SEMA6A: variants seen among roughly 807,000 people sequenced by gnomAD.
SEMA6A encodes semaphorin-6A.
A neutral mutation model predicts 96.8 loss-of-function variants in SEMA6A; 25 were observed. That is an observed-to-expected ratio of 0.26 (90% confidence interval 0.19 to 0.36). SEMA6A has a LOEUF of 0.36. Ranked by LOEUF, SEMA6A falls within the 10% of genes least tolerant of loss-of-function variation. The pLI is 1.00. For synonymous variants in SEMA6A, 612 were observed against 518.0 expected (o/e 1.18, Z -2.46); for missense variants, 1,363 against 1,323.1 (o/e 1.03, Z -0.47).
chr5:116,520,101 C>T (rs1758864169), intron 1 of SEMA6A, among the ~76,000 whole-genome samples: 1 of 152,124 alleles, frequency 6.6e-6, no homozygotes, highest in African/African-American at 2.4e-5. Context: ...CCACTCTGTT[C>T]CAGCCCCTGT....
chr5:116,497,290 T>TC (rs1757648512), intron 4 of SEMA6A, 37 bp downstream of exon 4: 2 of 1,266,700 alleles, frequency 1.6e-6, no homozygotes. Context: ...TATCCAAAGG[T>TC]CCTTCATTTT....
At chr5:116,508,208 G>GA (rs1183485353) in intron 1 of SEMA6A, 2 of 152,148 alleles carry the variant, frequency 1.3e-5, no homozygotes, top group Non-Finnish European at 2.9e-5. Flanking sequence ...AGGACTGTCT[G>GA]AAAACCGTGT....
At chr5:116,547,718 C>CT (rs1306823366) in intron 1 of SEMA6A, among the ~76,000 whole-genome samples, 1 of 116,576 alleles carries the variant, frequency 8.6e-6, no homozygotes, top group Non-Finnish European at 1.6e-5. Flanking sequence ...ATGTAAACTG[C>CT]TATGTATCTG....
At chr5:116,496,183 A>G (rs1219641376) in intron 5 of SEMA6A, 68 bp downstream of exon 5, 33 of 1,289,548 alleles carry the variant, frequency 2.6e-5, no homozygotes, top group Admixed American at 6.8e-5. Flanking sequence ...ATCACGGTCT[A>G]TGGCTGGAGA....
At chr5:116,568,324 G>C (rs1761088414) in intron 1 of SEMA6A, among the ~76,000 whole-genome samples, 1 of 152,134 alleles carries the variant, frequency 6.6e-6, no homozygotes, top group African/African-American at 2.4e-5. Context: ...AAATAATGCA[G>C]CCACAGAGAA....
chr5:116,451,437 C>T (rs749169114), intron 18 of SEMA6A, among the ~76,000 whole-genome samples: 2 of 151,996 alleles, frequency 1.3e-5, no homozygotes, highest in Admixed American at 6.5e-5. Flanking sequence ...TATGAGATTT[C>T]GAAGCAATAT....
chr5:116,466,547 T>A (rs1755769689), intron 18 of SEMA6A, among the ~76,000 whole-genome samples: 1 of 151,932 alleles, frequency 6.6e-6, no homozygotes, highest in African/African-American at 2.4e-5. Flanking sequence ...TCTCAGGAGA[T>A]GAGAAGCAAA....
chr5:116,484,058 T>C (rs58414253), intron 10 of SEMA6A, among the ~76,000 whole-genome samples: 16,901 of 126,994 alleles, frequency 0.13, 2,383 homozygotes, highest in African/African-American at 0.38. Context: ...AGTGAGACTC[T>C]GTCTGAAGAA....
chr5:116,511,527 G>T (rs761039218), intron 1 of SEMA6A, among the ~76,000 whole-genome samples: 1 of 152,208 alleles, frequency 6.6e-6, no homozygotes, highest in Non-Finnish European at 1.5e-5. Flanking sequence ...GAAAGAGAAA[G>T]GTGATGGCAT....
At chr5:116,467,896 T>A in intron 17 of SEMA6A, 149 bp from the exon 18 acceptor site, 1 of 616,104 alleles carries the variant, frequency 1.6e-6, no homozygotes, top group Non-Finnish European at 2.8e-6. Context: ...GTGGTGGTGG[T>A]GGTGGTGGTG....
At chr5:116,454,965 G>C (rs889756227) in intron 18 of SEMA6A, among the ~76,000 whole-genome samples, 1 of 152,098 alleles carries the variant, frequency 6.6e-6, no homozygotes, top group African/African-American at 2.4e-5. Flanking sequence ...TTAATGTCCT[G>C]AATTCAGAAG....
intron 1 of SEMA6A, among the ~76,000 whole-genome samples, chr5:116,573,584 G>T (rs76589137): frequency 0.02 from 2,999 of 151,668 alleles, 42 homozygotes; most frequent in Non-Finnish European, 0.027. Flanking sequence ...CAGGGCGCGC[G>T]GGTGCCTAGA....
chr5:116,450,379 T>G (rs1754547716), intron 18 of SEMA6A, among the ~76,000 whole-genome samples: 1 of 152,214 alleles, frequency 6.6e-6, no homozygotes, highest in Non-Finnish European at 1.5e-5. Flanking sequence ...TACAATTGAC[T>G]TTGGCATTCT....
chr5:116,487,032 C>A, intron 9 of SEMA6A, 66 bp from the exon 10 acceptor site: 1 of 1,142,886 alleles, frequency 8.7e-7, no homozygotes, highest in South Asian at 1.3e-5. Flanking sequence ...TTAGTAGAAT[C>A]TGCATTCCTT....
intron 17 of SEMA6A, 146 bp from the exon 18 acceptor site, chr5:116,467,893 TG>T: frequency 1.8e-6 from 1 of 570,270 alleles, no homozygotes; most frequent in Non-Finnish European, 3.0e-6. Context: ...GTGGTGGTGG[TG>T]GTGGTGGTGG....
At chr5:116,495,866 G>T (rs1757573995) in intron 5 of SEMA6A, 1 of 334,994 alleles carries the variant, frequency 3.0e-6, no homozygotes, top group Non-Finnish European at 5.5e-6. Context: ...TTTTTATGTT[G>T]TTATATGACC....
In SEMA6A at chr5:116,467,669, A is replaced by G; in HGVS notation, c.1808T>C (p.Met603Thr). 6.2e-7 allele frequency: 1 copy of G among 1,613,610 alleles called. No homozygotes were observed. Among genetic ancestry groups the G allele is most frequent in the Non-Finnish European group, 8.5e-7 (1 of 1,179,786 alleles). Reference protein sequence around the residue: ...AQEGYESRGGMLDWKHLLDSP... With the variant: ...AQEGYESRGGTLDWKHLLDSP... ...GTCAAGCAGATGCTTCCAGTCCAGC[A>G]TTCCTCCCCTAGACTCATACCCCTC... Residue 603 changes from methionine to threonine, a missense_variant, in exon 18 of 19, where the codon ATG (methionine) becomes ACG (threonine). Coordinates refer to ENST00000343348, the MANE Select transcript of SEMA6A (RefSeq NM_020796.5).
rs71711476 is a variant in SEMA6A at position 116,446,105 on chromosome 5, CT to C, written c.*507del. The stretch of plus-strand genomic sequence containing the variant: ...TCTGAGTTAGAATTATCAATGAATT[CT>C]TTTTTTTTTGTCTTTTTAAATTTTC... On this transcript the variant is annotated 3_prime_UTR_variant, in exon 19 of 19. Transcript: ENST00000343348. The C allele has an allele frequency of 1.2e-4, 18 of 149,442 alleles. No homozygotes were observed. Among genetic ancestry groups the C allele is most frequent in the African/African-American group, 2.2e-4 (9 of 40,674 alleles). 9.3% of individuals were successfully genotyped at this position (149,442 alleles called of 1,614,324 possible).
At position 116,467,079 on chromosome 5, in the gene SEMA6A, G is replaced by A. The variant is rs1037592411; in HGVS notation, c.1894+504C>T. The stretch of plus-strand genomic sequence containing the variant: ...TATCCTCTAAGGGCAATTACAGTAC[G>A]TCTGAGGAACATGGCTCTATTCAAA... On this transcript the variant is annotated intron_variant, in intron 18 of 18. Coordinates refer to ENST00000343348, the MANE Select transcript of SEMA6A (RefSeq NM_020796.5). 7.2e-5 allele frequency among the ~76,000 whole-genome samples: 11 copies of A among 152,212 alleles called. No individual in the cohort carries two copies. In the South Asian group the frequency reaches 1.5e-3, roughly 20 times the overall value.
Sources: allele counts gnomAD v4.1 joint callset (sites outside exome capture counted in the v4.1 genomes callset), GRCh38; gene constraint gnomAD v4.1.1; transcripts MANE v1.5; gene names NCBI Gene and HGNC (gene_info 2026-07-23, HGNC 2026-07-21).